The following PTPRN2 variants were observed in gnomAD, a reference collection of about 807,000 sequenced individuals.
PTPRN2 encodes protein tyrosine phosphatase receptor type N2.
PTPRN2 carries 74 observed loss-of-function variants against 118.8 expected under a neutral mutation model. That is an observed-to-expected ratio of 0.62 (90% CI 0.52 to 0.76). PTPRN2 has a LOEUF of 0.76. Among genes scored for constraint, PTPRN2 ranks in the 30% least tolerant of loss-of-function variants. PTPRN2 has a pLI of 0.00. For missense variants in PTPRN2, 1,481 were observed against 1,394.4 expected, an observed-to-expected ratio of 1.06 and a Z score of -0.99; for synonymous variants, 641 against 608.0, an observed-to-expected ratio of 1.05 and a Z score of -0.80.
chr7:158,309,784 T>C (rs1456072107), intron 3 of PTPRN2, among the ~76,000 whole-genome samples: 1 of 152,204 alleles, frequency 6.6e-6, no homozygotes, highest in Non-Finnish European at 1.5e-5. Context: ...GGTCATAGAA[T>C]ACACATGCTA....
intron 9 of PTPRN2, among the ~76,000 whole-genome samples, chr7:158,127,453 G>A (rs1268150987): frequency 1.3e-5 from 2 of 152,140 alleles, no homozygotes; most frequent in South Asian, 2.1e-4. Context: ...GCACAGGGGC[G>A]TTTGCCACAT....
intron 2 of PTPRN2, among the ~76,000 whole-genome samples, chr7:158,477,129 C>T (rs1374089837): frequency 2.0e-5 from 3 of 152,198 alleles, no homozygotes; most frequent in Non-Finnish European, 4.4e-5. Flanking sequence ...GATGCGGTCT[C>T]GTGTCTCACA....
At chr7:157,981,803 A>C (rs1803171829) in intron 11 of PTPRN2, among the ~76,000 whole-genome samples, 1 of 152,278 alleles carries the variant, frequency 6.6e-6, no homozygotes, top group African/African-American at 2.4e-5. Context: ...GAGTTAATAT[A>C]ACACCAGTTC....
intron 3 of PTPRN2, among the ~76,000 whole-genome samples, chr7:158,294,954 G>T (rs1800374198): frequency 7.2e-6 from 1 of 139,518 alleles, no homozygotes; most frequent in Non-Finnish European, 1.5e-5. Context: ...CTTTCTGAGG[G>T]TCCAAGCCCA....
rs1425653335 is a variant in PTPRN2, at chr7:157,627,038, CTT to C, written c.2197-5531_2197-5530del. Among the ~76,000 whole-genome samples, 1 of 152,194 alleles carries C rather than the reference CTT, an allele frequency of 6.6e-6. No individual in the cohort carries two copies. The highest frequency in any genetic ancestry group is 1.5e-5 in the Non-Finnish European group (1 of 68,030). On this transcript the variant is annotated intron_variant, in intron 14 of 22. Transcript: ENST00000389418. This position sits in a 1 kb window ranked among gnomAD's most constrained non-coding sequence, Gnocchi z 4.2. ...TGGAAGGGCAACAGTTCAGAGAGCT[CTT>C]CTCTACAAGTCTCCTCCACAACTCT...
At position 158,061,347 on chromosome 7, in the gene PTPRN2, C is replaced by T. The variant is rs140540526; in HGVS notation, c.1723+19951G>A. Among the ~76,000 whole-genome samples the T allele has an allele frequency of 3.1e-3, 478 of 152,344 alleles. 2 individuals carry two copies. Among genetic ancestry groups the T allele is most frequent in the African/African-American group, 0.011 (458 of 41,572 alleles). On this transcript the variant is annotated intron_variant, in intron 11 of 22. Transcript: ENST00000389418. ...GATGAAGCCACAGGCACAGTCCCCA[C>T]GTGCTTGACAGTGGCCCCGCAACCC...
At chr7:158,010,134 C>T (rs1328502564) in intron 11 of PTPRN2, among the ~76,000 whole-genome samples, 1 of 152,244 alleles carries the variant, frequency 6.6e-6, no homozygotes, top group Non-Finnish European at 1.5e-5. Context: ...CTTACTCCGG[C>T]ATCCCCAGCA....
intron 12 of PTPRN2, among the ~76,000 whole-genome samples, chr7:157,877,913 G>T (rs1347687792): frequency 6.6e-6 from 1 of 152,212 alleles, no homozygotes; most frequent in Non-Finnish European, 1.5e-5. Context: ...TCAGGGGTGA[G>T]ATTTTAAAAT....
At chr7:158,559,588 G>A (rs182224281) in intron 1 of PTPRN2, among the ~76,000 whole-genome samples, 1 of 152,304 alleles carries the variant, frequency 6.6e-6, no homozygotes, top group East Asian at 1.9e-4. Flanking sequence ...GTGACCACAG[G>A]AGGTGACCGC....
intron 6 of PTPRN2, among the ~76,000 whole-genome samples, chr7:158,152,159 G>C (rs927908436): frequency 9.3e-6 from 1 of 107,002 alleles, no homozygotes; most frequent in African/African-American, 3.6e-5. Context: ...GGGTGAAAGA[G>C]TGAGACTCTG....
chr7:157,756,884 T>C (rs978802429), intron 12 of PTPRN2, among the ~76,000 whole-genome samples: 5 of 151,720 alleles, frequency 3.3e-5, no homozygotes, highest in Admixed American at 1.3e-4. Flanking sequence ...TCAGCCAGGG[T>C]TGTGCGGATG....
intron 5 of PTPRN2, among the ~76,000 whole-genome samples, chr7:158,178,877 G>A (rs186199468): frequency 2.0e-5 from 3 of 152,246 alleles, no homozygotes; most frequent in East Asian, 1.9e-4. Context: ...GATTATAGGC[G>A]TGAGCCACTG....
intron 2 of PTPRN2, among the ~76,000 whole-genome samples, chr7:158,333,631 A>C (rs1804955758): frequency 6.6e-6 from 1 of 151,420 alleles, no homozygotes; most frequent in Non-Finnish European, 1.5e-5. Context: ...ACACCTACAG[A>C]CATCACTCAC....
At chr7:157,875,425 G>A (rs554950982) in intron 12 of PTPRN2, among the ~76,000 whole-genome samples, 31 of 152,292 alleles carry the variant, frequency 2.0e-4, no homozygotes, top group African/African-American at 6.7e-4. Context: ...CGGGTCACAC[G>A]TTATCTTCCT....
At chr7:158,111,307 G>A (rs769947705) in intron 9 of PTPRN2, among the ~76,000 whole-genome samples, 1 of 152,256 alleles carries the variant, frequency 6.6e-6, no homozygotes, top group Non-Finnish European at 1.5e-5. Flanking sequence ...CCAGGCCCCA[G>A]TGAGGGGCAA....
At chr7:158,292,618 C>T (rs1428151236) in intron 3 of PTPRN2, among the ~76,000 whole-genome samples, 1 of 152,198 alleles carries the variant, frequency 6.6e-6, no homozygotes, top group Non-Finnish European at 1.5e-5. Context: ...TGGGACAGCC[C>T]GCCACACACC....
chr7:157,630,966 G>A (rs1040319800), intron 14 of PTPRN2, among the ~76,000 whole-genome samples: 2 of 152,196 alleles, frequency 1.3e-5, no homozygotes, highest in African/African-American at 4.8e-5. Context: ...ACTGGCAAAA[G>A]CCTCCTCCTG....
chr7:158,395,319 CGAGGG>C (rs1812291503), intron 2 of PTPRN2, among the ~76,000 whole-genome samples: 2 of 78,588 alleles, frequency 2.5e-5, no homozygotes, highest in Non-Finnish European at 5.0e-5. Context: ...GGGTGAGGGG[CGAGGG>C]GCGAGGGGCG....
chr7:158,207,304 A>C (rs1196984424), intron 3 of PTPRN2, among the ~76,000 whole-genome samples: 1 of 150,230 alleles, frequency 6.7e-6, no homozygotes. Context: ...CATGATTTAT[A>C]GTCCTTTGGG....
Sources: allele counts gnomAD v4.1 joint callset (sites outside exome capture counted in the v4.1 genomes callset), GRCh38; gene constraint gnomAD v4.1.1; non-coding constraint Gnocchi (gnomAD v3.1); transcripts MANE v1.5; gene names NCBI Gene and HGNC (gene_info 2026-07-23, HGNC 2026-07-21).